SLC34A2: variants seen among roughly 807,000 people sequenced by gnomAD.
SLC34A2 encodes the protein solute carrier family 34 member 2.
Under a neutral mutation model 50.8 loss-of-function variants are expected in SLC34A2, and 41 were observed. The ratio of observed to expected loss-of-function variants is 0.81; its 90% confidence interval spans 0.63 to 1.05. The LOEUF is 1.05. Among genes scored for constraint, SLC34A2 ranks in the 50% least tolerant of loss-of-function variants. The pLI is 0.00. For synonymous variants in SLC34A2, 401 were observed against 364.2 expected (o/e 1.10, Z -1.15); for missense variants, 879 against 876.7 (o/e 1.00, Z -0.03).
In SLC34A2 at chr4:25,676,667, C is replaced by A; in HGVS notation, c.1991C>A (p.Thr664Asn). Residue 664 changes from threonine (T) to asparagine (N), a missense_variant, in exon 13 of 13, where the codon ACC (threonine) becomes AAC (asparagine). Thr to Asn is a moderately conservative substitution (Grantham distance 65). Coordinates refer to ENST00000382051, the MANE Select transcript of SLC34A2 (RefSeq NM_006424.3). The stretch of plus-strand genomic sequence containing the variant: ...GATGTCCCTGTCAAGGCTCCTGAGA[C>A]CTTTGATAACATAACCATTAGCAGA... ...GQDVPVKAPE[T>N]FDNITISREA... 6.2e-7 allele frequency: 1 copy of A among 1,614,198 alleles called. No homozygotes were observed. Among genetic ancestry groups the A allele is most frequent in the Non-Finnish European group, 8.5e-7 (1 of 1,180,030 alleles).
intron 4 of SLC34A2, among the ~76,000 whole-genome samples, chr4:25,665,298 C>G (rs1714436651): frequency 6.6e-6 from 1 of 151,750 alleles, no homozygotes; most frequent in African/African-American, 2.4e-5. Flanking sequence ...TCCTGAGTAG[C>G]TGGGATTACA....
chr4:25,676,638 G>GCAGGATGTC lies in SLC34A2; in HGVS notation c.1964_1972dup (p.Gln655_Val657dup). ...AGGACTTGGAGGAGGCGCAGGAGGG[G>GCAGGATGTC]CAGGATGTCCCTGTCAAGGCTCCTG... On this transcript the variant is annotated inframe_insertion, in exon 13 of 13. Coordinates refer to ENST00000382051, the MANE Select transcript of SLC34A2 (RefSeq NM_006424.3). 1 of 1,614,154 alleles carries GCAGGATGTC rather than the reference G, an allele frequency of 6.2e-7. No individual in the cohort carries two copies. The highest frequency in any genetic ancestry group is 2.2e-5 in the East Asian group (1 of 44,876).
At chr4:25,675,331 G>A (rs1004306374) in intron 12 of SLC34A2, among the ~76,000 whole-genome samples, 3 of 152,238 alleles carry the variant, frequency 2.0e-5, no homozygotes, top group South Asian at 2.1e-4. Flanking sequence ...GCACCCAGCC[G>A]GGGATTTGAA....
At chr4:25,661,896 G>T (rs1714207302) in intron 1 of SLC34A2, among the ~76,000 whole-genome samples, 1 of 150,208 alleles carries the variant, frequency 6.7e-6, no homozygotes, top group Non-Finnish European at 1.5e-5. Flanking sequence ...TTTTGAGAAG[G>T]AGTTTCACTT....
In SLC34A2 at chr4:25,666,192, G is replaced by A. The variant is rs1320896995; in HGVS notation, c.444G>A (p.Val148=). The change falls in exon 5 of 13, where the codon GTG becomes GTA. Residue 148 remains valine, a synonymous_variant. Coordinates refer to ENST00000382051, the MANE Select transcript of SLC34A2 (RefSeq NM_006424.3). ...TGTCCAACCCTTTGTTGGGGCTGGT[G>A]ATCGGGGTGCTGGTGACCGTCTTGG... is the stretch of plus-strand genomic sequence containing the variant. The part of the protein sequence containing the change: ...SIMSNPLLGL[V]IGVLVTVLVQ... The A allele has an allele frequency of 6.2e-7, 1 of 1,613,958 alleles. No individual in the cohort carries two copies. Among genetic ancestry groups the A allele is most frequent in the Non-Finnish European group, 8.5e-7 (1 of 1,180,032 alleles).
intron 1 of SLC34A2, 118 bp from the exon 2 acceptor site, chr4:25,662,380 G>T: frequency 1.2e-6 from 1 of 835,558 alleles, no homozygotes; most frequent in Non-Finnish European, 2.0e-6. Context: ...TTTTACTGCC[G>T]CCTCCGGCCG....
chr4:25,657,396 C>A (rs1447706758), intron 1 of SLC34A2, among the ~76,000 whole-genome samples: 1 of 152,084 alleles, frequency 6.6e-6, no homozygotes, highest in East Asian at 1.9e-4. Flanking sequence ...CAGGACATCC[C>A]AGGGAATTTA....
chr4:25,657,183 G>A (rs561624481), intron 1 of SLC34A2, among the ~76,000 whole-genome samples: 1 of 152,232 alleles, frequency 6.6e-6, no homozygotes, highest in East Asian at 1.9e-4. Context: ...GTCCCCTGTG[G>A]TATGAGGATG....
chr4:25,662,787 G>A lies in SLC34A2; in HGVS notation c.195G>A (p.Glu65=), dbSNP rs768251117. ...CTACACTGATAGATGAGCCCACTGAGGTGGATGACCCCTGGAACCTACCCA... is the reference window on the plus strand; with the variant it reads ...CTACACTGATAGATGAGCCCACTGAAGTGGATGACCCCTGGAACCTACCCA... ...STATLIDEPT[E]VDDPWNLPTL... The change falls in exon 3 of 13, where the codon GAG becomes GAA. Residue 65 remains glutamate, a synonymous_variant. Coordinates refer to ENST00000382051, the MANE Select transcript of SLC34A2 (RefSeq NM_006424.3). 1.4e-5 allele frequency: 23 copies of A among 1,614,054 alleles called. No individual in the cohort carries two copies. The highest frequency in any genetic ancestry group is 1.8e-5 in the Non-Finnish European group (21 of 1,180,012).
At position 25,667,917 on chromosome 4, in the gene SLC34A2, G is replaced by A. The variant is rs980174313; in HGVS notation, c.561G>A (p.Gly187=). ...GGGCTGCCATCCCCATTATCATGGG[G>A]GCCAACATTGGAACGTCAATCACCA... ...TVRAAIPIIM[G]ANIGTSITNT... Residue 187 remains glycine, a synonymous_variant, in exon 6 of 13, where the codon GGG becomes GGA. Transcript: ENST00000382051. The A allele has an allele frequency of 4.3e-6, 7 of 1,613,824 alleles. No individual in the cohort carries two copies. The highest frequency in any genetic ancestry group is 2.7e-5 in the African/African-American group (2 of 74,894).
At chr4:25,668,603 C>G (rs1454265020) in intron 6 of SLC34A2, among the ~76,000 whole-genome samples, 1 of 150,794 alleles carries the variant, frequency 6.6e-6, no homozygotes, top group African/African-American at 2.4e-5. Flanking sequence ...GATCGTGCCA[C>G]TGCACTCCAG....
Position 25,669,814 on chromosome 4 carries a change from C to T in SLC34A2, c.803C>T (p.Thr268Ile). 6.2e-7 allele frequency: 1 copy of T among 1,614,184 alleles called. No homozygotes were observed. Among genetic ancestry groups the T allele is most frequent in the Non-Finnish European group, 8.5e-7 (1 of 1,180,022 alleles). Reference sequence around the variant, plus strand: ...GCCCCAGATCTTCTGAAAGTCATCACTAAGCCCTTCACAAAGCTCATTGTC... The same window carrying T: ...GCCCCAGATCTTCTGAAAGTCATCATTAAGCCCTTCACAAAGCTCATTGTC... ...EDAPDLLKVI[T>I]KPFTKLIVQL... Residue 268 changes from threonine to isoleucine, a missense_variant, in exon 7 of 13, where the codon ACT (threonine) becomes ATT (isoleucine). Coordinates refer to ENST00000382051, the MANE Select transcript of SLC34A2 (RefSeq NM_006424.3).
chr4:25,671,642 C>T lies in SLC34A2; in HGVS notation c.969C>T (p.Thr323=). The T allele has an allele frequency of 1.2e-6, 2 of 1,614,158 alleles. No homozygotes were observed. The highest frequency in any genetic ancestry group is 1.1e-5 in the South Asian group (1 of 91,080). ...NVTVPSTANC[T]SPSLCWTDGI... is the part of the protein sequence containing the mutation. Reference sequence around the variant, plus strand: ...CTGTTCCCTCGACTGCTAACTGCACCTCCCCTTCCCTCTGTTGGACGGATG... The same window carrying T: ...CTGTTCCCTCGACTGCTAACTGCACTTCCCCTTCCCTCTGTTGGACGGATG... The change falls in exon 9 of 13, where the codon ACC becomes ACT. Residue 323 remains threonine (T), a synonymous_variant. Transcript: ENST00000382051.
intron 10 of SLC34A2, among the ~76,000 whole-genome samples, chr4:25,673,652 GC>G (rs1217263222): frequency 3.3e-5 from 5 of 152,178 alleles, no homozygotes; most frequent in African/African-American, 1.2e-4. Flanking sequence ...AAATACATCA[GC>G]ATCTAGAGGT....
chr4:25,664,367 G>T (rs1714377171), intron 4 of SLC34A2, 37 bp downstream of exon 4: 1 of 1,612,312 alleles, frequency 6.2e-7, no homozygotes, highest in South Asian at 1.1e-5. Flanking sequence ...CGGGTGAGGG[G>T]CATTATCTTG....
At chr4:25,675,160 C>T (rs911666800) in intron 12 of SLC34A2, among the ~76,000 whole-genome samples, 9 of 152,210 alleles carry the variant, frequency 5.9e-5, no homozygotes, top group Admixed American at 5.9e-4. Flanking sequence ...GCCTCCCGAG[C>T]AGCTGGGATT....
At chr4:25,661,863 C>T (rs1714203828) in intron 1 of SLC34A2, among the ~76,000 whole-genome samples, 1 of 151,536 alleles carries the variant, frequency 6.6e-6, no homozygotes, top group African/African-American at 2.4e-5. Context: ...GGGCTTGCAC[C>T]CTGCCTTTTT....
intron 6 of SLC34A2, among the ~76,000 whole-genome samples, chr4:25,668,658 T>A (rs900309214): frequency 3.0e-4 from 43 of 144,862 alleles, no homozygotes; most frequent in Middle Eastern, 3.6e-3. Flanking sequence ...AAAAAAAAAA[T>A]AAATAAATAC....
rs114966492 is a variant in SLC34A2, at chr4:25,674,246, G to A, written c.1217-50G>A. On this transcript the variant is annotated intron_variant, in intron 10 of 12. Coordinates refer to ENST00000382051, the MANE Select transcript of SLC34A2 (RefSeq NM_006424.3). ...CCCAGCCCCTACCCCAGGCCACCAG[G>A]CCATACCTTCCCCGGAGAGGCCATG... 7.5e-6 allele frequency: 11 copies of A among 1,460,118 alleles called. No individual in the cohort carries two copies. The African/African-American group carries it at 1.1e-4, about 15-fold the overall frequency. 90.4% of individuals were successfully genotyped at this position (1,460,118 alleles called of 1,614,324 possible).
Sources: allele counts gnomAD v4.1 joint callset (sites outside exome capture counted in the v4.1 genomes callset), GRCh38; gene constraint gnomAD v4.1.1; transcripts MANE v1.5; gene names NCBI Gene and HGNC (gene_info 2026-07-23, HGNC 2026-07-21).